The following ERP44 variants were observed in gnomAD, a reference collection of about 807,000 sequenced individuals.
ERP44 encodes the protein endoplasmic reticulum resident protein 44.
Under a neutral mutation model 53.4 loss-of-function variants are expected in ERP44, and 25 were observed. The ratio of observed to expected loss-of-function variants is 0.47; its 90% CI spans 0.34 to 0.65. The LOEUF is 0.65. Among genes scored for constraint, ERP44 ranks in the 30% least tolerant of loss-of-function variants. The pLI is 0.01. For missense variants in ERP44, 338 were observed against 493.2 expected, an observed-to-expected ratio of 0.69 and a Z score of 2.98; for synonymous variants, 145 against 161.2, an observed-to-expected ratio of 0.90 and a Z score of 0.76.
At chr9:100,017,440 T>A (rs1323524804) in intron 7 of ERP44, among the ~76,000 whole-genome samples, 1 of 152,044 alleles carries the variant, frequency 6.6e-6, no homozygotes, top group African/African-American at 2.4e-5. Flanking sequence ...GAGAGATAGG[T>A]ACTGGATTCT....
chr9:100,016,769 A>G (rs1420702398), intron 7 of ERP44, among the ~76,000 whole-genome samples: 1 of 152,254 alleles, frequency 6.6e-6, no homozygotes, highest in Non-Finnish European at 1.5e-5. Context: ...CTGGTAATAC[A>G]AAAGAAACAT....
intron 4 of ERP44, among the ~76,000 whole-genome samples, chr9:100,039,593 C>T (rs1184349810): frequency 6.6e-6 from 1 of 151,822 alleles, no homozygotes; most frequent in East Asian, 1.9e-4. Context: ...CAATAAATAA[C>T]CTAATGATAC....
At chr9:99,992,877 A>C (rs532427869) in intron 10 of ERP44, among the ~76,000 whole-genome samples, 6 of 152,334 alleles carry the variant, frequency 3.9e-5, no homozygotes, top group African/African-American at 7.2e-5. Flanking sequence ...CCAGTAACAG[A>C]CAGCCAGCCA....
chr9:100,023,400 TA>T lies in ERP44; in HGVS notation c.287-1175del, dbSNP rs1477870459. On this transcript the variant is annotated intron_variant, in intron 4 of 11. Transcript: ENST00000262455. Reference sequence around the variant, plus strand: ...CAATGATAAATAACCTGAGAAATCATAAAAAAAAAAAAAATAAGAAACTTTG... The same window carrying T: ...CAATGATAAATAACCTGAGAAATCATAAAAAAAAAAAAATAAGAAACTTTG... Among the ~76,000 whole-genome samples, 855 of 121,046 alleles carry T rather than the reference TA, an allele frequency of 7.1e-3. 2 individuals are homozygous for T. Among genetic ancestry groups the T allele is most frequent in the Non-Finnish European group, 8.2e-3 (460 of 56,420 alleles). 79.4% of individuals were successfully genotyped at this position (121,046 alleles called of 152,430 possible). A position where few individuals can be genotyped will look rare whatever the true frequency, so the allele number is the denominator to read the frequency against.
chr9:100,059,987 A>T, intron 2 of ERP44, 113 bp downstream of exon 2: 1 of 870,578 alleles, frequency 1.1e-6, no homozygotes, highest in East Asian at 3.7e-5. Flanking sequence ...TCAGAATGCC[A>T]GCTCTTCATC....
Position 100,060,177 on chromosome 9 carries a change from A to G in ERP44, c.58-5T>C, listed in dbSNP as rs1227279828. The G allele has an allele frequency of 1.3e-6, 2 of 1,496,436 alleles. No individual in the cohort carries two copies. The highest frequency in any genetic ancestry group is 1.8e-6 in the Non-Finnish European group (2 of 1,125,532). The allele number at this position is 1,496,436 out of a possible 1,614,324, so 92.7% of individuals were successfully genotyped here. On this transcript the variant is annotated splice_region_variant and splice_polypyrimidine_tract_variant and intron_variant, in intron 1 of 11. Transcript: ENST00000262455. ...AGGAGTAAAAACCCAAGTTACCTGAAAATTTAAAAAATGAGAAATTAATAA... is the reference window on the plus strand; with the variant it reads ...AGGAGTAAAAACCCAAGTTACCTGAGAATTTAAAAAATGAGAAATTAATAA...
rs1230591313 is a variant in ERP44, at chr9:99,980,362, A to ACTT, written c.*2247_*2249dup. 1 of 265,662 alleles carries ACTT rather than the reference A, an allele frequency of 3.8e-6. No homozygotes were observed. Among genetic ancestry groups the ACTT allele is most frequent in the African/African-American group, 2.2e-5 (1 of 45,416 alleles). The allele number at this position is 265,662 out of a possible 1,614,324, so 16.5% of individuals were successfully genotyped here. On this transcript the variant is annotated 3_prime_UTR_variant, in exon 12 of 12. Transcript: ENST00000262455. ...TCAGACTGAAATCTGCTTCCCTGTG[A>ACTT]CTTCCTCAAATCCTAGTTCAAGCCC...
chr9:100,036,787 T>A (rs1004517784), intron 4 of ERP44, among the ~76,000 whole-genome samples: 2 of 151,946 alleles, frequency 1.3e-5, no homozygotes, highest in Non-Finnish European at 2.9e-5. Flanking sequence ...CTCATTCATA[T>A]GTCGGAGCTA....
chr9:100,098,410 T>C (rs994521600), intron 1 of ERP44, among the ~76,000 whole-genome samples: 42 of 152,316 alleles, frequency 2.8e-4, no homozygotes, highest in African/African-American at 8.7e-4. Flanking sequence ...CCTCACACTC[T>C]TCCCAAATGG....
chr9:99,982,457 A>C lies in ERP44; in HGVS notation c.*155T>G. ...AGGCTACTATATTAAATGACAATGC[A>C]TTTTGAGTCGGGGAGAAAAAAATTA... On this transcript the variant is annotated 3_prime_UTR_variant, in exon 12 of 12. Coordinates refer to ENST00000262455, the MANE Select transcript of ERP44 (RefSeq NM_015051.3). 1 of 348,068 alleles carries C rather than the reference A, an allele frequency of 2.9e-6. No individual in the cohort carries two copies. 21.6% of individuals were successfully genotyped at this position (348,068 alleles called of 1,614,324 possible).
chr9:100,052,303 TAAAAAAAAAAAGAAAAGGAAA>T lies in ERP44; in HGVS notation c.286+93_286+113del, dbSNP rs1420474542. On this transcript the variant is annotated intron_variant, in intron 4 of 11. Coordinates refer to ENST00000262455, the MANE Select transcript of ERP44 (RefSeq NM_015051.3). ...GTTCTCCACTTAAAAGCAGAGCATT[TAAAAAAAAAAAGAAAAGGAAA>T]AAAAAAGAAAAGAAAAGAAAAGAAA... 7.7e-6 allele frequency: 3 copies of T among 387,938 alleles called. No homozygotes were observed. The East Asian group carries it at 1.4e-4, about 18-fold the overall frequency. 24.0% of individuals were successfully genotyped at this position (387,938 alleles called of 1,614,324 possible).
chr9:100,070,846 G>C (rs1236218308), intron 1 of ERP44, among the ~76,000 whole-genome samples: 1 of 152,120 alleles, frequency 6.6e-6, no homozygotes, highest in Non-Finnish European at 1.5e-5. Flanking sequence ...ATCTTCATTT[G>C]GCCTCCCCCC....
chr9:100,052,911 A>T (rs755478746), intron 3 of ERP44, among the ~76,000 whole-genome samples: 2 of 152,080 alleles, frequency 1.3e-5, no homozygotes, highest in Non-Finnish European at 2.9e-5. Flanking sequence ...AGCTTTCTCT[A>T]TTTTATTTAT....
At chr9:100,012,282 C>T (rs1830483385) in intron 8 of ERP44, among the ~76,000 whole-genome samples, 1 of 152,200 alleles carries the variant, frequency 6.6e-6, no homozygotes, top group Admixed American at 6.5e-5. Flanking sequence ...TATTGCATAT[C>T]TAGTGCAATA....
chr9:100,053,766 A>G (rs1333114303), intron 3 of ERP44, among the ~76,000 whole-genome samples: 1 of 152,234 alleles, frequency 6.6e-6, no homozygotes, highest in Non-Finnish European at 1.5e-5. Flanking sequence ...AAGAATCAGA[A>G]TTAGCAACCA....
chr9:100,005,681 G>T (rs1420362124), intron 10 of ERP44, among the ~76,000 whole-genome samples: 1 of 152,154 alleles, frequency 6.6e-6, no homozygotes, highest in Non-Finnish European at 1.5e-5. Flanking sequence ...GTAATTTTAG[G>T]ATTGGGAATC....
At chr9:100,078,495 C>T (rs1334466192) in intron 1 of ERP44, among the ~76,000 whole-genome samples, 1 of 148,702 alleles carries the variant, frequency 6.7e-6, no homozygotes, top group Non-Finnish European at 1.5e-5. Flanking sequence ...CGGCTCATGC[C>T]TGTAATCCCA....
At chr9:99,987,444 T>G (rs975003364) in intron 10 of ERP44, among the ~76,000 whole-genome samples, 2 of 152,232 alleles carry the variant, frequency 1.3e-5, no homozygotes, top group African/African-American at 4.8e-5. Context: ...TATTTACAAT[T>G]CTTTATTTTT....
At chr9:100,027,865 T>C (rs1180135135) in intron 4 of ERP44, among the ~76,000 whole-genome samples, 2 of 152,250 alleles carry the variant, frequency 1.3e-5, no homozygotes, top group East Asian at 3.9e-4. Context: ...CTGCTGCCTA[T>C]GTACTTCTTC....
Sources: allele counts gnomAD v4.1 joint callset (sites outside exome capture counted in the v4.1 genomes callset), GRCh38; gene constraint gnomAD v4.1.1; transcripts MANE v1.5; gene names NCBI Gene and HGNC (gene_info 2026-07-23, HGNC 2026-07-21).